The following GNPAT variants were observed in gnomAD, a reference collection of about 807,000 sequenced individuals.
GNPAT encodes the protein glyceronephosphate O-acyltransferase.
GNPAT carries 30 observed loss-of-function variants against 78.4 expected under a neutral mutation model. The ratio of observed to expected loss-of-function variants is 0.38; its 90% CI spans 0.29 to 0.52. The LOEUF is 0.52. GNPAT is among the 20% of genes least tolerant of loss of function. GNPAT has a pLI of 0.84. For synonymous variants in GNPAT, 271 were observed against 281.1 expected (o/e 0.96, Z 0.36); for missense variants, 714 against 812.2 (o/e 0.88, Z 1.47).
At chr1:231,269,968 A>G (rs1397444467) in intron 9 of GNPAT, 1 of 152,290 alleles carries the variant, frequency 6.6e-6, no homozygotes, top group East Asian at 1.9e-4. Flanking sequence ...TTGTTCAAGA[A>G]TGAATGTGAT....
At chr1:231,243,234 A>G (rs905875789) in intron 1 of GNPAT, among the ~76,000 whole-genome samples, 1 of 152,244 alleles carries the variant, frequency 6.6e-6, no homozygotes, top group Non-Finnish European at 1.5e-5. Flanking sequence ...TGTGGGAGAG[A>G]CAAGAAGGGG....
chr1:231,249,745 T>G (rs1216975790), intron 1 of GNPAT, among the ~76,000 whole-genome samples: 4 of 152,208 alleles, frequency 2.6e-5, no homozygotes, highest in Admixed American at 2.6e-4. Flanking sequence ...GCCTAACACT[T>G]TAGTGTCAGC....
At position 231,275,497 on chromosome 1, in the gene GNPAT, A is replaced by G; in HGVS notation, c.1936A>G (p.Ile646Val). 1.3e-6 allele frequency: 2 copies of G among 1,560,666 alleles called. No homozygotes were observed. The highest frequency in any genetic ancestry group is 1.8e-6 in the Non-Finnish European group (2 of 1,131,076). Residue 646 changes from isoleucine to valine, a missense_variant and splice_region_variant, in exon 14 of 16, where the codon ATA becomes GTA. Coordinates refer to ENST00000366647, the MANE Select transcript of GNPAT (RefSeq NM_014236.4). ...GCTCGGAGTAGTGGAGAAGAAGAAGATGTAAGTACTGTACAAGATCCCATG... is the reference window on the plus strand; with the variant it reads ...GCTCGGAGTAGTGGAGAAGAAGAAGGTGTAAGTACTGTACAAGATCCCATG... The part of the protein sequence containing the change: ...VRLGVVEKKK[I>V]NNNCIFNVNE...
At chr1:231,248,954 A>G (rs919356392) in intron 1 of GNPAT, among the ~76,000 whole-genome samples, 1 of 152,240 alleles carries the variant, frequency 6.6e-6, no homozygotes, top group Admixed American at 6.5e-5. Context: ...TGTTTGTACA[A>G]TGATGAAATT....
chr1:231,267,044 GT>G (rs1685408448), intron 8 of GNPAT, among the ~76,000 whole-genome samples: 1 of 152,162 alleles, frequency 6.6e-6, no homozygotes, highest in African/African-American at 2.4e-5. Context: ...GCTTATGTTA[GT>G]TTTTTTCCTG....
intron 1 of GNPAT, among the ~76,000 whole-genome samples, chr1:231,244,313 A>T (rs1408172500): frequency 6.6e-6 from 1 of 152,206 alleles, no homozygotes; most frequent in Non-Finnish European, 1.5e-5. Flanking sequence ...AGTGGAGATC[A>T]GTTAGAATGC....
intron 6 of GNPAT, 85 bp downstream of exon 6, chr1:231,265,872 A>G: frequency 9.3e-7 from 1 of 1,070,190 alleles, no homozygotes; most frequent in Non-Finnish European, 1.5e-6. Flanking sequence ...TTAACAAGAT[A>G]TTCTTTTCAA....
intron 8 of GNPAT, among the ~76,000 whole-genome samples, chr1:231,266,640 C>A (rs137915847): frequency 2.0e-5 from 3 of 152,162 alleles, no homozygotes; most frequent in African/African-American, 4.8e-5. Flanking sequence ...TATGCAAAAT[C>A]AGACAATGAT....
At chr1:231,242,746 T>TTTTG (rs745762630) in intron 1 of GNPAT, among the ~76,000 whole-genome samples, 16 of 152,276 alleles carry the variant, frequency 1.1e-4, no homozygotes, top group South Asian at 6.2e-4. Context: ...AAGGAGTTGG[T>TTTTG]TTTGTTTGTT....
chr1:231,254,744 G>A (rs545991809), intron 2 of GNPAT, among the ~76,000 whole-genome samples: 7 of 151,124 alleles, frequency 4.6e-5, no homozygotes, highest in Middle Eastern at 3.4e-3. Flanking sequence ...CATTGCGTCC[G>A]GCCGAAAAAA....
chr1:231,259,157 C>CT (rs55848293), intron 2 of GNPAT, among the ~76,000 whole-genome samples: 78,795 of 145,184 alleles, frequency 0.54, 21,177 homozygotes, highest in South Asian at 0.62. Context: ...TATTTATAAA[C>CT]TTTTTTTTTT....
intron 4 of GNPAT, among the ~76,000 whole-genome samples, chr1:231,264,416 C>T (rs1015022439): frequency 1.3e-5 from 2 of 152,024 alleles, no homozygotes; most frequent in African/African-American, 2.4e-5. Flanking sequence ...GCTTTTATTC[C>T]TGTAAGATCG....
At chr1:231,268,888 AG>A (rs1685469049) in intron 9 of GNPAT, among the ~76,000 whole-genome samples, 1 of 145,308 alleles carries the variant, frequency 6.9e-6, no homozygotes, top group Non-Finnish European at 1.5e-5. Flanking sequence ...CCTGGGTGAT[AG>A]AGCGAGATTC....
At chr1:231,266,245 G>T (rs376099037) in intron 7 of GNPAT, 32 bp from the exon 8 acceptor site, 1 of 1,613,686 alleles carries the variant, frequency 6.2e-7, no homozygotes, top group Non-Finnish European at 8.5e-7. Context: ...ACTGCTTTTC[G>T]TTTTCTTCCC....
At chr1:231,269,570 CAA>C (rs1027971004) in intron 9 of GNPAT, among the ~76,000 whole-genome samples, 12 of 152,094 alleles carry the variant, frequency 7.9e-5, no homozygotes, top group African/African-American at 1.9e-4. Context: ...TGCCAGTCAC[CAA>C]GAGAGAGACA....
chr1:231,270,770 C>CTGA lies in GNPAT; in HGVS notation c.1293_1295dup (p.Ala431_Glu432insAsp). Reference sequence around the variant, plus strand: ...TCTTTGTGTGTAGATAATAAACCTGCTGAAGAAGTTGTCCCGGCCAGCATT... The same window carrying CTGA: ...TCTTTGTGTGTAGATAATAAACCTGCTGATGAAGAAGTTGTCCCGGCCAGCATT... On this transcript the variant is annotated inframe_insertion, in exon 10 of 16. Transcript: ENST00000366647. 1 of 1,614,004 alleles carries CTGA rather than the reference C, an allele frequency of 6.2e-7. No individual in the cohort carries two copies. Among genetic ancestry groups the CTGA allele is most frequent in the Middle Eastern group, 1.6e-4 (1 of 6,062 alleles).
intron 2 of GNPAT, among the ~76,000 whole-genome samples, chr1:231,256,631 C>T (rs1315367644): frequency 1.3e-5 from 2 of 151,906 alleles, no homozygotes; most frequent in Non-Finnish European, 2.9e-5. Context: ...GGACTACAGG[C>T]ACCCACCACC....
At chr1:231,276,895 C>T (rs1178415702) in intron 15 of GNPAT, among the ~76,000 whole-genome samples, 2 of 152,156 alleles carry the variant, frequency 1.3e-5, no homozygotes, top group South Asian at 2.1e-4. Context: ...GATCGTCTTC[C>T]AAGTACTGTT....
chr1:231,256,309 CT>C (rs1685057541), intron 2 of GNPAT, among the ~76,000 whole-genome samples: 2 of 151,838 alleles, frequency 1.3e-5, no homozygotes, highest in Non-Finnish European at 1.5e-5. Flanking sequence ...ACCCCTACCC[CT>C]GAGCCAGGTG....
Sources: allele counts gnomAD v4.1 joint callset (sites outside exome capture counted in the v4.1 genomes callset), GRCh38; gene constraint gnomAD v4.1.1; transcripts MANE v1.5; gene names NCBI Gene and HGNC (gene_info 2026-07-23, HGNC 2026-07-21).